Variants in LHPP observed in about 807,000 individuals in gnomAD.
LHPP encodes the protein hLHPP.
A neutral mutation model predicts 30.3 loss-of-function variants in LHPP; 24 were observed. That is an observed-to-expected ratio of 0.79 (90% CI 0.57 to 1.11). The LOEUF (loss-of-function observed/expected upper bound fraction) is 1.11. Among genes scored for constraint, LHPP ranks in the 50% most tolerant of loss-of-function variants. The probability of loss-of-function intolerance (pLI) is 0.00; values close to 1 mark genes in which losing one functional copy is unlikely to be tolerated. For synonymous variants in LHPP, 150 were observed against 157.1 expected (o/e 0.95, Z 0.34); for missense variants, 356 against 367.2 (o/e 0.97, Z 0.25).
intron 3 of LHPP, chr10:124,489,783 G>C (rs1313346279): frequency 1.2e-5 from 2 of 162,926 alleles, no homozygotes; most frequent in South Asian, 1.2e-4. Context: ...TTTTTTTTCT[G>C]CTTATAAGTT....
intron 3 of LHPP, among the ~76,000 whole-genome samples, chr10:124,495,542 A>T (rs978733430): frequency 6.6e-6 from 1 of 152,200 alleles, no homozygotes; most frequent in Non-Finnish European, 1.5e-5. Flanking sequence ...CTACAGCTTC[A>T]AGGCATCAGG....
At chr10:124,484,670 C>CAGAG (rs5788664) in intron 2 of LHPP, among the ~76,000 whole-genome samples, 7,943 of 144,208 alleles carry the variant, frequency 0.055, 760 homozygotes, top group African/African-American at 0.19. Context: ...GAGAAAGAGA[C>CAGAG]AGAGAGAGAG....
chr10:124,533,741 C>T (rs1954952123), intron 6 of LHPP, among the ~76,000 whole-genome samples: 1 of 152,232 alleles, frequency 6.6e-6, no homozygotes, highest in South Asian at 2.1e-4. Context: ...CAGGCACTTG[C>T]CGTGTGCTCC....
At chr10:124,578,378 G>A (rs530135883) in intron 6 of LHPP, among the ~76,000 whole-genome samples, 4 of 152,332 alleles carry the variant, frequency 2.6e-5, no homozygotes, top group East Asian at 3.9e-4. Flanking sequence ...GGTCCTCTGC[G>A]GAGCCCGATG....
intron 1 of LHPP, 136 bp from the exon 2 acceptor site, chr10:124,484,003 A>AC (rs914500454): frequency 6.8e-6 from 5 of 734,572 alleles, no homozygotes; most frequent in Admixed American, 2.8e-5. Context: ...ATCAGCCAGG[A>AC]CCCCCTCAGG....
intron 6 of LHPP, among the ~76,000 whole-genome samples, chr10:124,538,155 A>T (rs540339261): frequency 1.2e-5 from 1 of 83,674 alleles, no homozygotes; most frequent in Non-Finnish European, 2.8e-5. Flanking sequence ...ATGCAGGGTC[A>T]CCACGCGAGT....
chr10:124,543,886 A>G (rs1955266303), intron 6 of LHPP, among the ~76,000 whole-genome samples: 1 of 152,238 alleles, frequency 6.6e-6, no homozygotes, highest in Non-Finnish European at 1.5e-5. Flanking sequence ...CACAGTTAGC[A>G]TTTTGTTCAG....
chr10:124,481,373 C>CTTTTTTTTT (rs34839158), intron 1 of LHPP, among the ~76,000 whole-genome samples: 2 of 85,028 alleles, frequency 2.4e-5, no homozygotes, highest in Admixed American at 1.6e-4. Context: ...TATCTGCCCC[C>CTTTTTTTTT]TTTTTTTTTT....
intron 5 of LHPP, among the ~76,000 whole-genome samples, chr10:124,508,292 G>A (rs1253043968): frequency 6.6e-6 from 1 of 152,198 alleles, no homozygotes; most frequent in Non-Finnish European, 1.5e-5. Flanking sequence ...TCAGTGTGGG[G>A]ATGACCCTGC....
chr10:124,548,989 T>G (rs145603401), intron 6 of LHPP, among the ~76,000 whole-genome samples: 120 of 152,308 alleles, frequency 7.9e-4, no homozygotes, highest in Middle Eastern at 3.4e-3. Flanking sequence ...AATAAATACA[T>G]GCATGGCAAA....
At chr10:124,519,858 A>G (rs1361944462) in intron 6 of LHPP, among the ~76,000 whole-genome samples, 1 of 151,006 alleles carries the variant, frequency 6.6e-6, no homozygotes, top group African/African-American at 2.4e-5. Flanking sequence ...TTTGAGATAG[A>G]GTCTTGCTCT....
At chr10:124,584,751 C>T (rs1028363341) in intron 6 of LHPP, among the ~76,000 whole-genome samples, 2 of 152,154 alleles carry the variant, frequency 1.3e-5, no homozygotes, top group African/African-American at 2.4e-5. Context: ...GCTCCATGAA[C>T]ATGGGATGCT....
chr10:124,558,820 C>A (rs1194690532), intron 6 of LHPP, among the ~76,000 whole-genome samples: 3 of 152,256 alleles, frequency 2.0e-5, no homozygotes, highest in African/African-American at 7.2e-5. Flanking sequence ...CCGAGCAGGC[C>A]CCTGCGGCCA....
intron 1 of LHPP, among the ~76,000 whole-genome samples, chr10:124,470,033 A>T (rs1251206528): frequency 6.6e-6 from 1 of 152,126 alleles, no homozygotes; most frequent in African/African-American, 2.4e-5. Context: ...CTGCTCTAGG[A>T]CTTGTGGGTG....
intron 6 of LHPP, among the ~76,000 whole-genome samples, chr10:124,536,617 G>C (rs760307316): frequency 1.2e-4 from 18 of 152,220 alleles, no homozygotes; most frequent in Non-Finnish European, 2.5e-4. Context: ...CTGTGAGCCA[G>C]AGGGCTGGGG....
At chr10:124,508,716 G>A (rs1219212174) in intron 5 of LHPP, among the ~76,000 whole-genome samples, 1 of 151,698 alleles carries the variant, frequency 6.6e-6, no homozygotes, top group Admixed American at 6.6e-5. Context: ...AAGAAGAAAA[G>A]AAACCACTCA....
chr10:124,533,427 G>A (rs897072320), intron 6 of LHPP, among the ~76,000 whole-genome samples: 1 of 152,200 alleles, frequency 6.6e-6, no homozygotes, highest in African/African-American at 2.4e-5. Flanking sequence ...AGGGGAGAGC[G>A]TCTGCCCAAG....
chr10:124,500,368 A>G (rs1243630617), intron 5 of LHPP, among the ~76,000 whole-genome samples: 1 of 151,936 alleles, frequency 6.6e-6, no homozygotes, highest in Non-Finnish European at 1.5e-5. Flanking sequence ...GCTACTCAGG[A>G]GGCTGAGGCA....
At position 124,578,385 on chromosome 10, in the gene LHPP, G is replaced by A. The variant is rs1203264353; in HGVS notation, c.717-34879G>A. Among the ~76,000 whole-genome samples, 6 of 152,224 alleles carry A rather than the reference G, an allele frequency of 3.9e-5. No individual in the cohort carries two copies. In the South Asian group the frequency reaches 6.2e-4, roughly 16 times the overall value. ...TGGCTTGGGGTCCTCTGCGGAGCCC[G>A]ATGTGTCACTGGCCCTCACGTGTCC... is the stretch of plus-strand genomic sequence containing the variant. On this transcript the variant is annotated intron_variant, in intron 6 of 6. Transcript: ENST00000368842.
Sources: gnomAD v4.1 joint callset for allele counts (sites outside exome capture counted in the v4.1 genomes callset) on GRCh38, gnomAD v4.1.1 for gene constraint, MANE v1.5 for transcripts, NCBI Gene and HGNC (gene_info 2026-07-23, HGNC 2026-07-21) for gene names.